The following FRAS1 variants were observed in gnomAD, a reference collection of about 807,000 sequenced individuals.
The protein encoded by FRAS1 is Fraser extracellular matrix complex subunit 1.
Under a neutral mutation model 435.2 loss-of-function variants are expected in FRAS1, and 290 were observed. That is an observed-to-expected ratio of 0.67 (90% CI 0.61 to 0.73). The LOEUF (loss-of-function observed/expected upper bound fraction) is 0.73. FRAS1 is among the 30% of genes least tolerant of loss of function. The pLI, the probability that FRAS1 is intolerant of heterozygous loss-of-function variation, is 0.00. For synonymous variants in FRAS1, 1,800 were observed against 1,851.0 expected (o/e 0.97, Z 0.71); for missense variants, 4,860 against 5,001.5 (o/e 0.97, Z 0.85).
At chr4:78,112,969 C>T (rs1742843608) in intron 2 of FRAS1, among the ~76,000 whole-genome samples, 2 of 151,986 alleles carry the variant, frequency 1.3e-5, no homozygotes, top group Admixed American at 1.3e-4. Context: ...TAATGCTATC[C>T]CTCCCCGCTC....
rs138744748 is a variant in FRAS1 at position 78,102,107 on chromosome 4, G to A, written c.108+36091G>A. On this transcript the variant is annotated intron_variant, in intron 2 of 73. Coordinates refer to ENST00000512123, the MANE Select transcript of FRAS1 (RefSeq NM_025074.7). ...TTCTAACCAATTGTACTTTGATCACGGTTGAATATGGTGATTTTTTTTTAA... is the reference window on the plus strand; with the variant it reads ...TTCTAACCAATTGTACTTTGATCACAGTTGAATATGGTGATTTTTTTTTAA... 3.2e-3 allele frequency among the ~76,000 whole-genome samples: 482 copies of A among 151,510 alleles called. 2 individuals carry two copies. The highest frequency in any genetic ancestry group is 5.1e-3 in the Non-Finnish European group (347 of 67,998).
intron 2 of FRAS1, among the ~76,000 whole-genome samples, chr4:78,124,551 C>G (rs1012446246): frequency 6.6e-6 from 1 of 152,206 alleles, no homozygotes; most frequent in Admixed American, 6.5e-5. Context: ...AGGAATGGTA[C>G]TAGCTCCTCT....
chr4:78,334,298 T>C (rs1218461913), intron 19 of FRAS1, among the ~76,000 whole-genome samples: 3 of 151,990 alleles, frequency 2.0e-5, no homozygotes, highest in Non-Finnish European at 4.4e-5. Flanking sequence ...TGTTACATAA[T>C]TGAGAATAAA....
At chr4:78,183,732 TTGTGTGTGTGTGTGTGTGTGTG>T (rs3974339) in intron 2 of FRAS1, among the ~76,000 whole-genome samples, 7 of 136,938 alleles carry the variant, frequency 5.1e-5, no homozygotes, top group African/African-American at 1.9e-4. Context: ...TTCATTCTCT[TTGTGTGTGTGTGTGTGTGTGTG>T]TGTGTGTGTG....
intron 2 of FRAS1, chr4:78,181,972 C>T (rs1722030027): frequency 3.2e-6 from 5 of 1,587,058 alleles, no homozygotes; most frequent in Non-Finnish European, 4.3e-6. Context: ...CGAAGGGGTC[C>T]GATTCGTCGT....
Position 78,274,310 on chromosome 4 carries a change from C to T in FRAS1, c.982-4345C>T, listed in dbSNP as rs1420979413. 5.9e-5 allele frequency among the ~76,000 whole-genome samples: 9 copies of T among 152,198 alleles called. No individual in the cohort carries two copies. In the East Asian group the frequency reaches 1.5e-3, roughly 26 times the overall value. On this transcript the variant is annotated intron_variant, in intron 9 of 73. Transcript: ENST00000512123. ...TTTGAAGGGTTTTTTGTGTCTCTAT[C>T]TCCTTCAGTTCTGCTGTGATCTTAG...
chr4:78,146,659 A>T (rs1157774795), intron 2 of FRAS1, among the ~76,000 whole-genome samples: 1 of 151,944 alleles, frequency 6.6e-6, no homozygotes, highest in Non-Finnish European at 1.5e-5. Flanking sequence ...AGATATTTTG[A>T]AGCAAATTCC....
intron 20 of FRAS1, among the ~76,000 whole-genome samples, chr4:78,360,717 G>T (rs1185437073): frequency 6.6e-6 from 1 of 152,194 alleles, no homozygotes; most frequent in Non-Finnish European, 1.5e-5. Flanking sequence ...GAAAAGCACT[G>T]CTGGGTGAGG....
intron 18 of FRAS1, among the ~76,000 whole-genome samples, chr4:78,324,708 CTT>C (rs139942839): frequency 0.019 from 1,709 of 88,052 alleles, 13 homozygotes; most frequent in African/African-American, 0.066. Flanking sequence ...GCTCAGATTC[CTT>C]TTTTTTTTTT....
At chr4:78,305,120 C>A (rs1215299840) in intron 14 of FRAS1, among the ~76,000 whole-genome samples, 3 of 151,978 alleles carry the variant, frequency 2.0e-5, no homozygotes, top group African/African-American at 7.2e-5. Context: ...TTGTTATGTA[C>A]CCAGTAGTCA....
intron 2 of FRAS1, among the ~76,000 whole-genome samples, chr4:78,117,823 C>T (rs1055489629): frequency 6.6e-6 from 1 of 152,254 alleles, no homozygotes; most frequent in Non-Finnish European, 1.5e-5. Flanking sequence ...GCCTTCTTCT[C>T]TCAGCTCATC....
At chr4:78,403,713 C>G (rs893533071) in intron 30 of FRAS1, among the ~76,000 whole-genome samples, 2 of 152,156 alleles carry the variant, frequency 1.3e-5, no homozygotes, top group Non-Finnish European at 2.9e-5. Flanking sequence ...AGATGTTCCT[C>G]AACTTACACC....
intron 15 of FRAS1, among the ~76,000 whole-genome samples, chr4:78,315,330 A>G (rs543190375): frequency 2.4e-4 from 36 of 152,280 alleles, no homozygotes; most frequent in South Asian, 6.2e-4. Flanking sequence ...TAAACCTCAT[A>G]TTAAGTTGGT....
At chr4:78,521,011 C>T (rs145019308) in intron 67 of FRAS1, among the ~76,000 whole-genome samples, 228 of 152,270 alleles carry the variant, frequency 1.5e-3, no homozygotes, top group African/African-American at 5.3e-3. Flanking sequence ...GGGACCATGA[C>T]TACAATTTCC....
chr4:78,192,923 T>G (rs1261301411), intron 2 of FRAS1, among the ~76,000 whole-genome samples: 1 of 152,230 alleles, frequency 6.6e-6, no homozygotes. Flanking sequence ...ACTATAAATT[T>G]CCCTCTACAC....
intron 15 of FRAS1, among the ~76,000 whole-genome samples, chr4:78,311,949 G>C (rs1459469894): frequency 6.6e-6 from 1 of 151,950 alleles, no homozygotes; most frequent in South Asian, 2.1e-4. Context: ...GTATGTTATA[G>C]ATAGTAGCCT....
intron 2 of FRAS1, among the ~76,000 whole-genome samples, chr4:78,193,898 A>G (rs1722670210): frequency 6.6e-6 from 1 of 152,202 alleles, no homozygotes; most frequent in South Asian, 2.1e-4. Flanking sequence ...ATGTTTTTGC[A>G]GTGGCTGGTA....
intron 2 of FRAS1, among the ~76,000 whole-genome samples, chr4:78,095,589 G>A (rs925074576): frequency 1.3e-5 from 2 of 152,204 alleles, no homozygotes; most frequent in Non-Finnish European, 2.9e-5. Context: ...ATAATTCCAA[G>A]TGGCTGTGGA....
chr4:78,334,664 C>T (rs571851878), intron 19 of FRAS1, among the ~76,000 whole-genome samples: 12 of 152,204 alleles, frequency 7.9e-5, no homozygotes, highest in Non-Finnish European at 1.5e-4. Context: ...CCACCATGCC[C>T]AGCTGTCATA....
Sources: gnomAD v4.1 joint callset for allele counts (sites outside exome capture counted in the v4.1 genomes callset) on GRCh38, gnomAD v4.1.1 for gene constraint, MANE v1.5 for transcripts, NCBI Gene and HGNC (gene_info 2026-07-23, HGNC 2026-07-21) for gene names.